USP28: variants seen among roughly 807,000 people sequenced by gnomAD.
USP28 encodes ubiquitin carboxyl-terminal hydrolase 28.
USP28 carries 113 observed loss-of-function variants against 145.0 expected under a neutral mutation model. The ratio of observed to expected loss-of-function variants is 0.78; its 90% CI spans 0.67 to 0.91. The LOEUF (loss-of-function observed/expected upper bound fraction) is 0.91, where lower values mean the gene tolerates loss of function less well. Ranked by LOEUF, USP28 falls within the 40% of genes least tolerant of loss-of-function variation. USP28 has a pLI of 0.00. For synonymous variants in USP28, 447 were observed against 450.9 expected, an observed-to-expected ratio of 0.99 and a Z score of 0.11; for missense variants, 1,201 against 1,289.6, an observed-to-expected ratio of 0.93 and a Z score of 1.05.
chr11:113,874,674 A>G, intron 1 of USP28: 3 of 1,239,232 alleles, frequency 2.4e-6, no homozygotes, highest in Non-Finnish European at 3.1e-6. Context: ...CCGAAGTAAC[A>G]CTAGAAGACA....
At chr11:113,804,527 A>C (rs1939595714) in intron 21 of USP28, 146 bp downstream of exon 22, 1 of 659,840 alleles carries the variant, frequency 1.5e-6, no homozygotes, top group Admixed American at 3.1e-5. Context: ...AGAAAATATC[A>C]TTTATCCATT....
chr11:113,800,832 C>T (rs967214107), intron 24 of USP28, among the ~76,000 whole-genome samples: 10 of 150,926 alleles, frequency 6.6e-5, no homozygotes, highest in Admixed American at 5.4e-4. Flanking sequence ...CATAACCATA[C>T]TCTGCATGAT....
intron 12 of USP28, chr11:113,820,976 C>G (rs755928341): frequency 5.9e-6 from 1 of 170,218 alleles, no homozygotes; most frequent in Non-Finnish European, 1.3e-5. Context: ...CCAGATGTCC[C>G]AATTCAGCAG....
rs148989718 is a variant in USP28 at position 113,816,386 on chromosome 11, G to A, written c.1464-1004C>T. On this transcript the variant is annotated intron_variant, in intron 13 of 24. Coordinates refer to ENST00000003302, the Ensembl canonical transcript of USP28. Reference sequence around the variant, plus strand: ...AAAACTCAGCTGGGCATGGTGGCACGCCTGTAGTCCCAGCTACTTGGGAGG... The same window carrying A: ...AAAACTCAGCTGGGCATGGTGGCACACCTGTAGTCCCAGCTACTTGGGAGG... 4.6e-3 allele frequency among the ~76,000 whole-genome samples: 697 copies of A among 152,184 alleles called. 9 individuals are homozygous for A. The highest frequency in any genetic ancestry group is 0.015 in the African/African-American group (613 of 41,526).
At chr11:113,819,733 T>TTATC (rs776379777) in intron 12 of USP28, among the ~76,000 whole-genome samples, 5 of 152,226 alleles carry the variant, frequency 3.3e-5, no homozygotes, top group Non-Finnish European at 7.3e-5. Flanking sequence ...ATTTATTTAT[T>TTATC]TATGAGACAG....
In USP28 at chr11:113,803,856, A is replaced by C. The variant is rs778513865; in HGVS notation, c.2680T>G (p.Leu894Val). 2.5e-6 allele frequency: 4 copies of C among 1,613,966 alleles called. No homozygotes were observed. The South Asian group carries it at 4.4e-5, about 18-fold the overall frequency. Residue 894 changes from leucine (L) to valine (V), a missense_variant, in exon 22 of 25, where the codon TTG (leucine) becomes GTG (valine). By Grantham distance (32) the Leu-to-Val change is conservative. Transcript: ENST00000003302. The stretch of plus-strand genomic sequence containing the variant: ...AGATACACAGACACTTTTCGGAACA[A>C]ACTATAATCTTCATGCCACTTCTGA...
intron 5 of USP28, among the ~76,000 whole-genome samples, chr11:113,840,184 G>A (rs1945040369): frequency 6.6e-6 from 1 of 151,968 alleles, no homozygotes; most frequent in Non-Finnish European, 1.5e-5. Flanking sequence ...GGATCCAACT[G>A]CCCACCAATC....
At chr11:113,819,181 CG>C (rs1318170770) in intron 12 of USP28, among the ~76,000 whole-genome samples, 2 of 150,996 alleles carry the variant, frequency 1.3e-5, no homozygotes, top group African/African-American at 2.4e-5. Context: ...GGCACGATCT[CG>C]GCTTACTGCA....
chr11:113,818,689 G>A (rs1312863015), intron 12 of USP28, among the ~76,000 whole-genome samples: 1 of 151,892 alleles, frequency 6.6e-6, no homozygotes, highest in Non-Finnish European at 1.5e-5. Context: ...ACAAAACCCT[G>A]TCTCCACAAA....
intron 18 of USP28, 105 bp from the exon 20 acceptor site, chr11:113,806,689 G>A (rs1315148022): frequency 2.7e-6 from 2 of 750,606 alleles, no homozygotes; most frequent in Non-Finnish European, 4.2e-6. Flanking sequence ...CAGCAGAGCA[G>A]TGTGCTCTTT....
chr11:113,818,335 T>G (rs1206662636), intron 12 of USP28: 2 of 152,858 alleles, frequency 1.3e-5, no homozygotes, highest in African/African-American at 4.8e-5. Context: ...GTATTTTTAG[T>G]AGAGACAGGG....
At chr11:113,863,449 C>T (rs575111644) in intron 1 of USP28, among the ~76,000 whole-genome samples, 59 of 148,814 alleles carry the variant, frequency 4.0e-4, no homozygotes, top group African/African-American at 1.4e-3. Context: ...TGTTCGAGAC[C>T]AGCCTGAGCA....
intron 17 of USP28, 85 bp from the exon 18 acceptor site, chr11:113,808,522 G>C (rs916610662): frequency 3.5e-6 from 5 of 1,426,594 alleles, no homozygotes; most frequent in Non-Finnish European, 4.8e-6. Flanking sequence ...AATGTATACA[G>C]TTTAATATAC....
chr11:113,865,824 A>T (rs1226457632), intron 1 of USP28, among the ~76,000 whole-genome samples: 1 of 152,200 alleles, frequency 6.6e-6, no homozygotes, highest in African/African-American at 2.4e-5. Context: ...GCAACAAAAG[A>T]AAAAAATAAT....
intron 17 of USP28, 37 bp from the exon 18 acceptor site, chr11:113,808,474 GA>G: frequency 1.2e-6 from 2 of 1,608,194 alleles, no homozygotes; most frequent in Non-Finnish European, 1.7e-6. Flanking sequence ...AGCATCTAAT[GA>G]TAAATAGTCT....
At position 113,833,415 on chromosome 11, in the gene USP28, T is replaced by G; in HGVS notation, c.759+5A>C. 6.2e-7 allele frequency: 1 copy of G among 1,610,822 alleles called. No individual in the cohort carries two copies. Among genetic ancestry groups the G allele is most frequent in the Admixed American group, 1.7e-5 (1 of 58,772 alleles). Reference sequence around the variant, plus strand: ...TCAAACTCAAGAACAAGGCTTCTTTTGTACCTGCTGTTCCTCAGATGATCG... The same window carrying G: ...TCAAACTCAAGAACAAGGCTTCTTTGGTACCTGCTGTTCCTCAGATGATCG... On this transcript the variant is annotated splice_donor_5th_base_variant and intron_variant, in intron 7 of 24. Transcript: ENST00000003302.
intron 1 of USP28, among the ~76,000 whole-genome samples, chr11:113,873,110 GGAAAGGTAGAATGCCTCA>G (rs1948999385): frequency 6.6e-6 from 1 of 152,094 alleles, no homozygotes; most frequent in Non-Finnish European, 1.5e-5. Context: ...ATCCTTTAAG[GGAAAGGTAGAATGCCTCA>G]GAGAGTTCAA....
At chr11:113,817,961 AT>A in intron 12 of USP28, 124 bp from the exon 13 acceptor site, 1 of 984,184 alleles carries the variant, frequency 1.0e-6, no homozygotes, top group Non-Finnish European at 1.5e-6. Context: ...GCTATACAAT[AT>A]TTAATAGGGT....
At chr11:113,846,596 A>G (rs948964112) in intron 3 of USP28, among the ~76,000 whole-genome samples, 7 of 152,246 alleles carry the variant, frequency 4.6e-5, no homozygotes, top group Non-Finnish European at 8.8e-5. Context: ...TGAACTCTAC[A>G]TTTAAGAATG....
Sources: gnomAD v4.1 joint callset for allele counts (sites outside exome capture counted in the v4.1 genomes callset) on GRCh38, gnomAD v4.1.1 for gene constraint, MANE v1.5 for transcripts, NCBI Gene and HGNC (gene_info 2026-07-23, HGNC 2026-07-21) for gene names.